Variants in DCUN1D4 observed in about 807,000 individuals in gnomAD.
The protein encoded by DCUN1D4 is DCN1-like protein 4.
DCUN1D4 carries 22 observed loss-of-function variants against 47.9 expected under a neutral mutation model. The ratio of observed to expected loss-of-function variants is 0.46; its 90% CI spans 0.33 to 0.66. DCUN1D4 has a LOEUF of 0.66. Ranked by LOEUF, DCUN1D4 falls within the 30% of genes least tolerant of loss-of-function variation. DCUN1D4 has a pLI of 0.02. For synonymous variants in DCUN1D4, 121 were observed against 112.2 expected (o/e 1.08, Z -0.50); for missense variants, 301 against 340.8 (o/e 0.88, Z 0.92).
chr4:51,904,631 T>C (rs1732598575), intron 8 of DCUN1D4, among the ~76,000 whole-genome samples: 1 of 152,142 alleles, frequency 6.6e-6, no homozygotes, highest in Non-Finnish European at 1.5e-5. Context: ...GCTTACCTTA[T>C]TTATTTTCTT....
At chr4:51,885,614 A>C (rs991977578) in intron 5 of DCUN1D4, among the ~76,000 whole-genome samples, 2 of 152,204 alleles carry the variant, frequency 1.3e-5, no homozygotes, top group African/African-American at 4.8e-5. Flanking sequence ...GTTCAAAAGT[A>C]AGGGGAAAGT....
intron 10 of DCUN1D4, 52 bp from the exon 11 acceptor site, chr4:51,913,471 CTATTAT>C (rs1733999689): frequency 6.4e-7 from 1 of 1,559,200 alleles, no homozygotes; most frequent in East Asian, 2.3e-5. Context: ...AGCTACATTA[CTATTAT>C]TATTATTGTT....
chr4:51,891,679 G>A, intron 6 of DCUN1D4, 81 bp from the exon 7 acceptor site: 1 of 1,096,688 alleles, frequency 9.1e-7, no homozygotes, highest in Non-Finnish European at 1.3e-6. Flanking sequence ...AAACGTTAAT[G>A]TATTAATGAC....
At chr4:51,855,451 G>T (rs922898205) in intron 1 of DCUN1D4, among the ~76,000 whole-genome samples, 1 of 152,190 alleles carries the variant, frequency 6.6e-6, no homozygotes, top group African/African-American at 2.4e-5. Context: ...ACTGGGAGAT[G>T]GAGGTACTGT....
At chr4:51,912,468 G>A (rs1271824730) in intron 9 of DCUN1D4, among the ~76,000 whole-genome samples, 3 of 152,012 alleles carry the variant, frequency 2.0e-5, no homozygotes, top group Non-Finnish European at 4.4e-5. Context: ...AGCTTTTCTT[G>A]TGTTTGCATC....
intron 1 of DCUN1D4, chr4:51,860,661 A>G (rs1435511621): frequency 6.6e-6 from 3 of 454,916 alleles, no homozygotes; most frequent in Non-Finnish European, 1.3e-5. Flanking sequence ...AGAGAGAGAA[A>G]GGGTGAGAGG....
chr4:51,909,487 C>T lies in DCUN1D4; in HGVS notation c.616-1583C>T, dbSNP rs1733384097. The T allele has an allele frequency of 1.9e-5, 3 of 157,154 alleles. No individual in the cohort carries two copies. The South Asian group carries it at 5.7e-4, about 30-fold the overall frequency. 9.7% of individuals were successfully genotyped at this position (157,154 alleles called of 1,614,324 possible). On this transcript the variant is annotated intron_variant, in intron 8 of 10. Transcript: ENST00000334635. ...AGTTTTCCATTTGCTTGCACAGTGTCATCACAGAAGTGTAAGCCCTTGAAA... is the reference window on the plus strand; with the variant it reads ...AGTTTTCCATTTGCTTGCACAGTGTTATCACAGAAGTGTAAGCCCTTGAAA...
chr4:51,866,450 A>G (rs1725933201), intron 3 of DCUN1D4, among the ~76,000 whole-genome samples: 2 of 152,088 alleles, frequency 1.3e-5, no homozygotes, highest in Admixed American at 1.3e-4. Context: ...TATATTTGCC[A>G]CTTTTCCACT....
chr4:51,841,051 G>C (rs1176848887), upstream of DCUN1D4, among the ~76,000 whole-genome samples: 1 of 152,208 alleles, frequency 6.6e-6, no homozygotes, highest in Non-Finnish European at 1.5e-5. Context: ...GGGCAAAGCA[G>C]CCGACCCATC....
intron 1 of DCUN1D4, among the ~76,000 whole-genome samples, chr4:51,844,696 T>C (rs886968138): frequency 6.6e-6 from 1 of 151,812 alleles, no homozygotes; most frequent in Non-Finnish European, 1.5e-5. Context: ...CCAGGCGTGC[T>C]GGGAGGGCGC....
chr4:51,843,449 G>C, intron 1 of DCUN1D4, 182 bp downstream of exon 1: 1 of 1,244,960 alleles, frequency 8.0e-7, no homozygotes, highest in Non-Finnish European at 1.0e-6. Flanking sequence ...GCGTGGGGCG[G>C]GGGCGGGCGT....
intron 6 of DCUN1D4, 73 bp from the exon 7 acceptor site, chr4:51,891,687 G>T: frequency 8.3e-7 from 1 of 1,205,822 alleles, no homozygotes; most frequent in South Asian, 1.4e-5. Context: ...ATGTATTAAT[G>T]ACAGATCTAT....
At chr4:51,860,007 TCTA>T (rs1315283430) in intron 1 of DCUN1D4, among the ~76,000 whole-genome samples, 4 of 152,118 alleles carry the variant, frequency 2.6e-5, no homozygotes, top group South Asian at 4.1e-4. Context: ...GGAGGTGAAA[TCTA>T]CTGTAGATTT....
chr4:51,904,450 G>A (rs1732573067), intron 8 of DCUN1D4, among the ~76,000 whole-genome samples: 2 of 152,124 alleles, frequency 1.3e-5, no homozygotes, highest in South Asian at 4.1e-4. Flanking sequence ...TCTTTGTGTA[G>A]TTCCCACCTC....
intron 5 of DCUN1D4, among the ~76,000 whole-genome samples, chr4:51,885,112 A>G: frequency 6.6e-6 from 1 of 152,152 alleles, no homozygotes; most frequent in East Asian, 1.9e-4. Context: ...TGATAAGCCA[A>G]ACACTTTGGA....
chr4:51,885,314 A>G (rs1241089651), intron 5 of DCUN1D4, among the ~76,000 whole-genome samples: 1 of 152,316 alleles, frequency 6.6e-6, no homozygotes, highest in Non-Finnish European at 1.5e-5. Flanking sequence ...GGAGAGGCAC[A>G]ATTAAGAAAT....
chr4:51,903,116 A>T (rs1275150363), intron 8 of DCUN1D4, among the ~76,000 whole-genome samples: 1 of 152,134 alleles, frequency 6.6e-6, no homozygotes, highest in African/African-American at 2.4e-5. Flanking sequence ...CAAATATATC[A>T]TATATATCTA....
chr4:51,836,632 T>A, the DCUN1D4 span, among the ~76,000 whole-genome samples: 10 of 152,234 alleles, frequency 6.6e-5, no homozygotes, highest in Non-Finnish European at 1.2e-4. Flanking sequence ...TGGAATCTGC[T>A]TAATCATGGG....
At chr4:51,895,824 G>A (rs1333274312) in intron 7 of DCUN1D4, among the ~76,000 whole-genome samples, 1 of 152,124 alleles carries the variant, frequency 6.6e-6, no homozygotes, top group Non-Finnish European at 1.5e-5. Context: ...CCTTAGAAGC[G>A]TGGCACTGTC....
Sources: allele counts gnomAD v4.1 joint callset (sites outside exome capture counted in the v4.1 genomes callset), GRCh38; gene constraint gnomAD v4.1.1; transcripts MANE v1.5; gene names NCBI Gene and HGNC (gene_info 2026-07-23, HGNC 2026-07-21).